Variants in TENM1 observed in about 807,000 individuals in gnomAD.
The protein encoded by TENM1 is teneurin transmembrane protein 1.
In TENM1, 35 loss-of-function variants were observed where a neutral mutation model predicts 174.8. That is an observed-to-expected ratio of 0.20 (90% CI 0.15 to 0.27). TENM1 has a LOEUF of 0.27. Among genes scored for constraint, TENM1 ranks in the 10% least tolerant of loss-of-function variants. The pLI, the probability that TENM1 is intolerant of heterozygous loss-of-function variation, is 1.00. For synonymous variants in TENM1, 781 were observed against 798.7 expected, an observed-to-expected ratio of 0.98 and a Z score of 0.37; for missense variants, 1,633 against 2,130.1, an observed-to-expected ratio of 0.77 and a Z score of 4.59.
chrX:124,559,133 C>T (rs1457572735), intron 14 of TENM1, among the ~76,000 whole-genome samples: 1 of 111,909 alleles, frequency 8.9e-6, no homozygotes, highest in Non-Finnish European at 1.9e-5. Flanking sequence ...AGGCAGGAAA[C>T]ATTGGCTCAA....
intron 5 of TENM1, among the ~76,000 whole-genome samples, chrX:124,687,955 C>T (rs2052410538): frequency 8.9e-6 from 1 of 112,189 alleles, no homozygotes; most frequent in African/African-American, 3.2e-5. Context: ...TTCAGTTACA[C>T]AGGATTAGTA....
intron 1 of TENM1, among the ~76,000 whole-genome samples, chrX:124,922,840 C>A (rs1304700527): frequency 9.0e-6 from 1 of 110,557 alleles, no homozygotes; most frequent in Non-Finnish European, 1.9e-5. Flanking sequence ...AAGTTTTTTC[C>A]TGTTTACCTT....
chrX:124,464,798 T>C (rs1280977402), intron 22 of TENM1, among the ~76,000 whole-genome samples: 1 of 111,734 alleles, frequency 8.9e-6, no homozygotes, highest in Non-Finnish European at 1.9e-5. Flanking sequence ...TCTTTTACTG[T>C]TTTTACCTTT....
the TENM1 span, among the ~76,000 whole-genome samples, chrX:125,045,634 C>A: frequency 9.0e-6 from 1 of 111,485 alleles, no homozygotes; most frequent in Non-Finnish European, 1.9e-5. Context: ...TTCAGAAAAC[C>A]CACATTTTAA....
intron 27 of TENM1, among the ~76,000 whole-genome samples, chrX:124,404,175 C>G (rs997879819): frequency 9.0e-6 from 1 of 111,717 alleles, no homozygotes; most frequent in Admixed American, 9.5e-5. Context: ...GAAACCTTCC[C>G]GGTATATCAG....
chrX:124,863,638 T>TA (rs758643736), intron 3 of TENM1, among the ~76,000 whole-genome samples: 1 of 112,097 alleles, frequency 8.9e-6, no homozygotes, highest in Non-Finnish European at 1.9e-5. Context: ...GGCTTTTTTT[T>TA]ACCTCTAGTC....
intron 3 of TENM1, among the ~76,000 whole-genome samples, chrX:124,872,097 T>C (rs1316867719): frequency 9.4e-6 from 1 of 106,535 alleles, no homozygotes; most frequent in African/African-American, 3.4e-5. Context: ...AAGTGACCAC[T>C]GAGATAAGAA....
intron 11 of TENM1, among the ~76,000 whole-genome samples, chrX:124,626,752 T>A (rs2050645415): frequency 9.0e-6 from 1 of 111,720 alleles, no homozygotes; most frequent in South Asian, 3.7e-4. Flanking sequence ...TAAGGGACTG[T>A]GTGAGTTGCT....
the TENM1 span, among the ~76,000 whole-genome samples, chrX:125,046,253 C>T: frequency 5.4e-5 from 6 of 111,818 alleles, no homozygotes; most frequent in South Asian, 1.8e-3. Flanking sequence ...ATCAAGGCTG[C>T]TTACCAACTA....
chrX:124,509,092 AAC>A (rs1044717528), intron 18 of TENM1, among the ~76,000 whole-genome samples: 39 of 90,224 alleles, frequency 4.3e-4, no homozygotes, highest in African/African-American at 5.7e-4. Context: ...CACACACACA[AAC>A]ACACACACAC....
Position 124,671,703 on chromosome X carries a change from G to A in TENM1, c.1148C>T (p.Ser383Phe), listed in dbSNP as rs1156830436. Residue 383 changes from serine (S) to phenylalanine (F), a missense_variant, in exon 6 of 32, where the codon TCT (serine) becomes TTT (phenylalanine). Ser to Phe is a radical substitution (Grantham distance 155). Around this residue, in one of 4 missense-constraint regions of TENM1, gnomAD observed 305 missense variants for 309.2 expected, o/e 0.99. Coordinates refer to ENST00000422452, the Ensembl canonical transcript of TENM1. ...TGTACCTTTTTTCTCTGATTTATCA[G>A]AAACTTTTCCTCCAATTGGAGAGTA... 3.3e-6 allele frequency: 4 copies of A among 1,203,950 alleles called. No homozygotes were observed. In the African/African-American group the frequency reaches 5.3e-5, roughly 16 times the overall value.
chrX:125,182,343 G>A, the TENM1 span, among the ~76,000 whole-genome samples: 10 of 106,383 alleles, frequency 9.4e-5, no homozygotes, highest in Admixed American at 4.2e-4. Flanking sequence ...AAGGTCAGCC[G>A]ATTAGTAACC....
the TENM1 span, among the ~76,000 whole-genome samples, chrX:125,095,473 CAGTT>C: frequency 8.9e-6 from 1 of 111,760 alleles, no homozygotes; most frequent in African/African-American, 3.2e-5. Flanking sequence ...CCTAAACCTG[CAGTT>C]AGTTATAGAA....
chrX:124,945,619 G>A (rs1166379289), intron 1 of TENM1, among the ~76,000 whole-genome samples: 1 of 111,045 alleles, frequency 9.0e-6, no homozygotes, highest in Non-Finnish European at 1.9e-5. Context: ...ATGAGGTCAC[G>A]AATCATATCA....
At chrX:124,971,855 G>A in the TENM1 span, among the ~76,000 whole-genome samples, 3 of 111,655 alleles carry the variant, frequency 2.7e-5, no homozygotes, top group African/African-American at 6.5e-5. Flanking sequence ...TTTTCTGTAC[G>A]AGTTTGCTAG....
chrX:124,679,289 C>T (rs2052171587), intron 5 of TENM1, among the ~76,000 whole-genome samples: 2 of 112,194 alleles, frequency 1.8e-5, no homozygotes, highest in African/African-American at 3.2e-5. Flanking sequence ...CATGTTCCTT[C>T]AGGCTAGGGA....
intron 11 of TENM1, among the ~76,000 whole-genome samples, chrX:124,586,287 A>C (rs1602722689): frequency 9.0e-6 from 1 of 110,517 alleles, no homozygotes; most frequent in Non-Finnish European, 1.9e-5. Context: ...AAAAATCCTC[A>C]ATAAAATACT....
At chrX:124,403,857 C>T (rs371543437) in intron 27 of TENM1, among the ~76,000 whole-genome samples, 71 of 111,711 alleles carry the variant, frequency 6.4e-4, no homozygotes, top group African/African-American at 2.1e-3. Context: ...CTAACTCATT[C>T]AGATTACCTG....
intron 11 of TENM1, among the ~76,000 whole-genome samples, chrX:124,628,144 G>A (rs968707800): frequency 9.0e-6 from 1 of 111,568 alleles, no homozygotes; most frequent in Non-Finnish European, 1.9e-5. Flanking sequence ...AGGATTGTTA[G>A]TCAGTTACAT....
Sources: allele counts gnomAD v4.1 joint callset (sites outside exome capture counted in the v4.1 genomes callset), GRCh38; gene constraint gnomAD v4.1.1; regional missense constraint gnomAD v4.1.1; transcripts MANE v1.5; gene names NCBI Gene and HGNC (gene_info 2026-07-23, HGNC 2026-07-21).